DPM2: variants seen among roughly 807,000 people sequenced by gnomAD.
DPM2 encodes the protein dolichyl-phosphate mannosyltransferase subunit 2, regulatory.
In DPM2, 8 loss-of-function variants were observed where a neutral mutation model predicts 12.1. The ratio of observed to expected loss-of-function variants is 0.66; its 90% CI spans 0.39 to 1.19. The LOEUF is 1.19. Among genes scored for constraint, DPM2 ranks in the 50% most tolerant of loss-of-function variants. The pLI is 0.01. For missense variants in DPM2, 93 were observed against 102.5 expected, an observed-to-expected ratio of 0.91 and a Z score of 0.40; for synonymous variants, 38 against 44.7, an observed-to-expected ratio of 0.85 and a Z score of 0.60.
intron 3 of DPM2, 111 bp downstream of exon 3, chr9:127,936,442 G>T (rs761061509): frequency 2.2e-5 from 35 of 1,609,140 alleles, no homozygotes; most frequent in Non-Finnish European, 2.5e-5. Flanking sequence ...AAACCCCACG[G>T]GTGAGTTCGG....
At chr9:127,937,660 T>C in intron 1 of DPM2, 137 bp from the exon 2 acceptor site, 6 of 1,240,072 alleles carry the variant, frequency 4.8e-6, no homozygotes, top group Middle Eastern at 3.8e-4. Context: ...GATCAGTTTC[T>C]AGGCTGGGAG....
chr9:127,937,474 A>G lies in DPM2; in HGVS notation c.53T>C (p.Leu18Pro). 1.9e-6 allele frequency: 3 copies of G among 1,614,010 alleles called. No individual in the cohort carries two copies. Among genetic ancestry groups the G allele is most frequent in the Non-Finnish European group, 2.5e-6 (3 of 1,179,922 alleles). The change falls in exon 2 of 4, where the codon CTG becomes CCG. Residue 18 changes from leucine (L) to proline (P), a missense_variant. Transcript: ENST00000314392. ...GGCGGTGTAGTAGGTGAAGATGATC[A>G]GGCTAACGGCGACGAGGCCGAGTCC... Reference protein sequence around the residue: ...VVGLGLVAVSLIIFTYYTAWV... With the variant: ...VVGLGLVAVSPIIFTYYTAWV...
Position 127,935,764 on chromosome 9 carries a change from A to G in DPM2, c.213T>C (p.Tyr71=), listed in dbSNP as rs6781. The G allele has an allele frequency of 0.84, 1,359,015 of 1,610,162 alleles. 578,159 individuals are homozygous for G. Among genetic ancestry groups the G allele is most frequent in the Non-Finnish European group, 0.87 (1,028,786 of 1,176,890 alleles). Residue 71 remains tyrosine (Y), a synonymous_variant, in exon 4 of 4, where the codon TAT becomes TAC. Coordinates refer to ENST00000314392, the MANE Select transcript of DPM2 (RefSeq NM_003863.4). ...LLLFVGLFIS[Y]VMLKTKRVTK... is the part of the protein sequence containing the mutation. The stretch of plus-strand genomic sequence containing the variant: ...TCACTCTCTTGGTCTTCAGCATCAC[A>G]TAGGAGATGAACAGTCCTGGGATAC...
At position 127,935,430 on chromosome 9, in the gene DPM2, A is replaced by G. The variant is rs1831488578; in HGVS notation, c.*292T>C. ...GGCAAGACGGCAGAACCCAGGGGAA[A>G]AGGTGGCAGGGAGTCTGAGAGTGAG... On this transcript the variant is annotated 3_prime_UTR_variant, in exon 4 of 4. Transcript: ENST00000314392. The G allele has an allele frequency of 2.0e-6, 1 of 503,708 alleles. No individual in the cohort carries two copies. The highest frequency in any genetic ancestry group is 3.5e-5 in the East Asian group (1 of 28,760). 31.2% of individuals were successfully genotyped at this position (503,708 alleles called of 1,614,324 possible).
chr9:127,937,831 G>C lies in DPM2; in HGVS notation c.-11C>G, dbSNP rs146637437. The C allele has an allele frequency of 3.8e-6, 6 of 1,598,960 alleles. No homozygotes were observed. The Admixed American group carries it at 5.1e-5, about 14-fold the overall frequency. The stretch of plus-strand genomic sequence containing the variant: ...TGCCAATCTCACCATTTCCCCGCGC[G>C]CTCAGCCACCCGAGCCGCAAGCCAC... On this transcript the variant is annotated 5_prime_UTR_variant, in exon 1 of 4. Transcript: ENST00000314392.
rs764215944 is a variant in DPM2, at chr9:127,937,462, G to A, written c.65C>T (p.Thr22Ile). The change falls in exon 2 of 4, where the codon ACC (threonine) becomes ATC (isoleucine). Residue 22 changes from threonine to isoleucine, a missense_variant. Coordinates refer to ENST00000314392, the MANE Select transcript of DPM2 (RefSeq NM_003863.4). Reference sequence around the variant, plus strand: ...GAGAATCACCCAGGCGGTGTAGTAGGTGAAGATGATCAGGCTAACGGCGAC... The same window carrying A: ...GAGAATCACCCAGGCGGTGTAGTAGATGAAGATGATCAGGCTAACGGCGAC... ...GLVAVSLIIFTYYTAWVILLP... is the reference protein window; with the variant it reads ...GLVAVSLIIFIYYTAWVILLP... The A allele has an allele frequency of 7.4e-6, 12 of 1,613,860 alleles. No homozygotes were observed. Among genetic ancestry groups the A allele is most frequent in the Non-Finnish European group, 9.3e-6 (11 of 1,179,906 alleles).
rs1446797101 is a variant in DPM2 at position 127,936,146 on chromosome 9, G to A, written c.197-366C>T. On this transcript the variant is annotated intron_variant, in intron 3 of 3. Coordinates refer to ENST00000314392, the MANE Select transcript of DPM2 (RefSeq NM_003863.4). ...CCATCCACCCATCATCCAGGCACCC[G>A]GCTGTTGACTGACTCATCCAAATGA... 27 of 738,822 alleles carry A rather than the reference G, an allele frequency of 3.7e-5. No homozygotes were observed. The Middle Eastern group carries it at 4.1e-3, about 112-fold the overall frequency. The allele number at this position is 738,822 out of a possible 1,614,324, so 45.8% of individuals were successfully genotyped here.
At chr9:127,937,240 C>T (rs1588690146) in intron 2 of DPM2, 194 bp downstream of exon 2, 1 of 490,810 alleles carries the variant, frequency 2.0e-6, no homozygotes, top group East Asian at 3.3e-5. Flanking sequence ...TGGGCCAGAT[C>T]CTTCTCCCCT....
At position 127,935,302 on chromosome 9, in the gene DPM2, TA is replaced by T. The variant is rs1184678698; in HGVS notation, c.*419del. The T allele has an allele frequency of 3.7e-6, 1 of 273,708 alleles. No individual in the cohort carries two copies. Among genetic ancestry groups the T allele is most frequent in the African/African-American group, 2.3e-5 (1 of 44,248 alleles). 17.0% of individuals were successfully genotyped at this position (273,708 alleles called of 1,614,324 possible). A position where few individuals can be genotyped will look rare whatever the true frequency, so the allele number is the denominator to read the frequency against. ...TGTGGGGTCTGGGGCTGTGTCAGGGTAAGGAAAGCTGCCTTGGTGGAGGAAG... is the reference window on the plus strand; with the variant it reads ...TGTGGGGTCTGGGGCTGTGTCAGGGTAGGAAAGCTGCCTTGGTGGAGGAAG... On this transcript the variant is annotated 3_prime_UTR_variant, in exon 4 of 4. Coordinates refer to ENST00000314392, the MANE Select transcript of DPM2 (RefSeq NM_003863.4).
At chr9:127,936,904 G>A (rs1350755734) in intron 2 of DPM2, 3 of 405,822 alleles carry the variant, frequency 7.4e-6, no homozygotes, top group Non-Finnish European at 1.3e-5. Flanking sequence ...CAGGGCACAA[G>A]AGACCTGCCC....
At chr9:127,936,049 C>T in intron 3 of DPM2, 1 of 592,320 alleles carries the variant, frequency 1.7e-6, no homozygotes, top group Non-Finnish European at 3.0e-6. Context: ...ATCTATCGAT[C>T]ACCCGGTCAA....
At chr9:127,936,255 T>TGA (rs897997540) in intron 3 of DPM2, 1 of 1,415,866 alleles carries the variant, frequency 7.1e-7, no homozygotes, top group Non-Finnish European at 9.3e-7. Flanking sequence ...TAGGAAGCCA[T>TGA]GAGAGAGAGA....
chr9:127,935,584 C>G lies in DPM2; in HGVS notation c.*138G>C. The G allele has an allele frequency of 1.2e-6, 1 of 854,684 alleles. No individual in the cohort carries two copies. The highest frequency in any genetic ancestry group is 1.9e-6 in the Non-Finnish European group (1 of 527,028). The allele number at this position is 854,684 out of a possible 1,614,324, so 52.9% of individuals were successfully genotyped here. A position where few individuals can be genotyped will look rare whatever the true frequency, so the allele number is the denominator to read the frequency against. On this transcript the variant is annotated 3_prime_UTR_variant, in exon 4 of 4. Coordinates refer to ENST00000314392, the MANE Select transcript of DPM2 (RefSeq NM_003863.4). ...GGCTCCAGTCAGTCAGGTGTAAGCT[C>G]CATGCCATGGGGACTCTGCAGGACA... is the stretch of plus-strand genomic sequence containing the variant.
At chr9:127,936,750 T>C in intron 2 of DPM2, 95 bp from the exon 3 acceptor site, 1 of 1,095,246 alleles carries the variant, frequency 9.1e-7, no homozygotes, top group Non-Finnish European at 1.2e-6. Flanking sequence ...GGCTGACCCA[T>C]TCAGAGGACT....
At chr9:127,936,116 CCCAT>C (rs749669049) in intron 3 of DPM2, 2 of 642,716 alleles carry the variant, frequency 3.1e-6, no homozygotes, top group South Asian at 4.4e-5. Context: ...CACCCACCCA[CCCAT>C]CCATCCACCC....
chr9:127,936,253 C>T (rs1831502768), intron 3 of DPM2: 1 of 1,423,016 alleles, frequency 7.0e-7, no homozygotes. Context: ...CCTAGGAAGC[C>T]ATGAGAGAGA....
chr9:127,936,634 C>A lies in DPM2; in HGVS notation c.115G>T (p.Val39Phe). The change falls in exon 3 of 4, where the codon GTC becomes TTC. Residue 39 changes from valine (V) to phenylalanine (F), a missense_variant. Val to Phe is a conservative substitution (Grantham distance 50). Transcript: ENST00000314392. ...ILLPFIDSQHVIHKYFLPRAY... is the reference protein window; with the variant it reads ...ILLPFIDSQHFIHKYFLPRAY... The stretch of plus-strand genomic sequence containing the variant: ...CGGGGCAGGAAATACTTGTGGATGA[C>A]ATGCTGACTGTCGATGAATGGCTGG... The A allele has an allele frequency of 6.6e-7, 1 of 1,506,940 alleles. No homozygotes were observed. Among genetic ancestry groups the A allele is most frequent in the South Asian group, 1.3e-5 (1 of 75,012 alleles). 93.3% of individuals were successfully genotyped at this position (1,506,940 alleles called of 1,614,324 possible). A position where few individuals can be genotyped will look rare whatever the true frequency, so the allele number is the denominator to read the frequency against.
intron 3 of DPM2, chr9:127,936,345 A>C (rs754468346): frequency 1.6e-4 from 236 of 1,512,202 alleles, no homozygotes; most frequent in Non-Finnish European, 3.6e-6. Flanking sequence ...GGCAGGAAAG[A>C]GGTAGACAGG....
chr9:127,936,027 C>A, intron 3 of DPM2: 2 of 595,920 alleles, frequency 3.4e-6, no homozygotes, highest in Non-Finnish European at 5.9e-6. Context: ...CCAAGGGGAA[C>A]AAGATCCACC....
Sources: gnomAD v4.1 joint callset for allele counts on GRCh38, gnomAD v4.1.1 for gene constraint, MANE v1.5 for transcripts, NCBI Gene and HGNC (gene_info 2026-07-23, HGNC 2026-07-21) for gene names.